The following RBM19 variants were observed in gnomAD, a reference collection of about 807,000 sequenced individuals.
The protein encoded by RBM19 is RNA binding motif protein 19, also known as probable RNA-binding protein 19.
Under a neutral mutation model 116.8 loss-of-function variants are expected in RBM19, and 94 were observed. The ratio of observed to expected loss-of-function variants is 0.80; its 90% CI spans 0.68 to 0.95. The LOEUF (loss-of-function observed/expected upper bound fraction) is 0.95, where lower values mean the gene tolerates loss of function less well. Among genes scored for constraint, RBM19 ranks in the 40% least tolerant of loss-of-function variants. The probability of loss-of-function intolerance (pLI) is 0.00; values close to 1 mark genes in which losing one functional copy is unlikely to be tolerated. For synonymous variants in RBM19, 475 were observed against 494.1 expected (o/e 0.96, Z 0.51); for missense variants, 1,161 against 1,220.7 (o/e 0.95, Z 0.73).
chr12:113,818,827 GC>G (rs1874233061), downstream of RBM19, among the ~76,000 whole-genome samples: 1 of 152,082 alleles, frequency 6.6e-6, no homozygotes, highest in Non-Finnish European at 1.5e-5. Flanking sequence ...CCTCCTCCAG[GC>G]CCCACTGTCC....
rs139525945 is a variant in RBM19 at position 113,844,818 on chromosome 12, A to G, written c.2665-30T>C. The G allele has an allele frequency of 4.1e-3, 6,550 of 1,587,956 alleles. 20 individuals carry two copies. Among genetic ancestry groups the G allele is most frequent in the South Asian group, 5.0e-3 (437 of 87,850 alleles). On this transcript the variant is annotated intron_variant, in intron 22 of 23. Coordinates refer to ENST00000261741, the MANE Select transcript of RBM19 (RefSeq NM_016196.4). ...AGAGGGACAAGAAACGAAACTGCACATCAGCTGGATCAGTGCGGCAGACAC... is the reference window on the plus strand; with the variant it reads ...AGAGGGACAAGAAACGAAACTGCACGTCAGCTGGATCAGTGCGGCAGACAC...
intron 21 of RBM19, among the ~76,000 whole-genome samples, chr12:113,868,850 T>C (rs2135760158): frequency 6.6e-6 from 1 of 152,278 alleles, no homozygotes; most frequent in African/African-American, 2.4e-5. Flanking sequence ...GCTCTGACAG[T>C]GAGGGGCTGA....
intron 14 of RBM19, among the ~76,000 whole-genome samples, chr12:113,940,374 G>A (rs1269047929): frequency 6.6e-6 from 1 of 150,676 alleles, no homozygotes; most frequent in East Asian, 1.9e-4. Flanking sequence ...TAAGGCCTGG[G>A]ACTCTGAAGC....
intron 22 of RBM19, among the ~76,000 whole-genome samples, chr12:113,853,808 C>T (rs1877662826): frequency 6.6e-6 from 1 of 152,194 alleles, no homozygotes; most frequent in South Asian, 2.1e-4. Context: ...CTAGTGGGGG[C>T]AGCTGACTGA....
intron 21 of RBM19, among the ~76,000 whole-genome samples, chr12:113,870,894 G>A (rs1434686568): frequency 2.0e-5 from 3 of 152,180 alleles, no homozygotes; most frequent in Non-Finnish European, 4.4e-5. Context: ...GAAGCACAAG[G>A]TGACACACCT....
intron 21 of RBM19, among the ~76,000 whole-genome samples, chr12:113,895,692 C>T (rs1294600090): frequency 6.6e-6 from 1 of 152,036 alleles, no homozygotes; most frequent in Non-Finnish European, 1.5e-5. Context: ...TGGCACAAGA[C>T]TTGGGTGGCA....
intron 16 of RBM19, 155 bp downstream of exon 16, chr12:113,936,852 G>T: frequency 2.1e-6 from 2 of 968,364 alleles, no homozygotes; most frequent in Non-Finnish European, 3.0e-6. Flanking sequence ...TACAGGACAT[G>T]CCCATAAAAT....
intron 21 of RBM19, among the ~76,000 whole-genome samples, chr12:113,910,331 C>T (rs116506012): frequency 0.016 from 2,430 of 152,342 alleles, 73 homozygotes; most frequent in African/African-American, 0.055. Context: ...GGCCACTACA[C>T]CCAGGCTCCA....
chr12:113,965,346 A>C (rs913222184), intron 1 of RBM19, among the ~76,000 whole-genome samples: 8 of 145,150 alleles, frequency 5.5e-5, no homozygotes, highest in Middle Eastern at 3.5e-3. Context: ...AAAGAGAGAG[A>C]AAAAAAAGAG....
At chr12:113,944,962 C>A (rs1209002514) in intron 13 of RBM19, among the ~76,000 whole-genome samples, 1 of 151,938 alleles carries the variant, frequency 6.6e-6, no homozygotes. Context: ...AGGTACAAAG[C>A]ACATATAGGA....
At chr12:113,895,786 TA>T (rs1434183332) in intron 21 of RBM19, among the ~76,000 whole-genome samples, 2 of 151,140 alleles carry the variant, frequency 1.3e-5, no homozygotes, top group East Asian at 3.9e-4. Flanking sequence ...CTACATTTTT[TA>T]AAAAAGAAAA....
chr12:113,877,113 C>T (rs1879723915), intron 21 of RBM19, among the ~76,000 whole-genome samples: 1 of 152,190 alleles, frequency 6.6e-6, no homozygotes, highest in Non-Finnish European at 1.5e-5. Context: ...CGTGGCTTGT[C>T]TCACTCTCTG....
In RBM19 at chr12:113,876,744, T is replaced by G. The variant is rs190599439; in HGVS notation, c.2559-17848A>C. The stretch of plus-strand genomic sequence containing the variant: ...AGGTTAGAGCTACAGTGAGCTGAGA[T>G]CGTGCCACTGCACTACAGCCTAGGT... On this transcript the variant is annotated intron_variant, in intron 21 of 23. Transcript: ENST00000261741. Among the ~76,000 whole-genome samples, 12 of 152,170 alleles carry G rather than the reference T, an allele frequency of 7.9e-5. No individual in the cohort carries two copies. The East Asian group carries it at 1.4e-3, about 17-fold the overall frequency.
chr12:113,856,188 C>CG (rs1424223815), intron 22 of RBM19, among the ~76,000 whole-genome samples: 1 of 152,164 alleles, frequency 6.6e-6, no homozygotes, highest in East Asian at 1.9e-4. Flanking sequence ...TCCCAGAGCC[C>CG]GGAGTAAAGG....
intron 21 of RBM19, among the ~76,000 whole-genome samples, chr12:113,883,333 T>C (rs1306324368): frequency 1.3e-5 from 2 of 152,210 alleles, no homozygotes; most frequent in African/African-American, 4.8e-5. Context: ...GAGGCTGCTG[T>C]CTAGTGCAGA....
intron 20 of RBM19, 124 bp from the exon 21 acceptor site, chr12:113,915,209 C>CGG (rs1566014291): frequency 1.3e-6 from 1 of 797,826 alleles, no homozygotes; most frequent in African/African-American, 1.7e-5. Flanking sequence ...GCGTGGGGTG[C>CGG]GGGACCAACG....
Position 113,950,096 on chromosome 12 carries a change from G to A in RBM19, c.1059C>T (p.Asn353=). ...EEEVKQALKC[N]REYMGGRYIE... ...GGGCTTCCTTACCCATGTACTCCCG[G>A]TTGCATTTCAGAGCTTGCTTCACTT... Residue 353 remains asparagine (N), a synonymous_variant, in exon 9 of 24, where the codon AAC becomes AAT. Transcript: ENST00000261741. The A allele has an allele frequency of 1.9e-6, 3 of 1,607,860 alleles. No homozygotes were observed. The highest frequency in any genetic ancestry group is 2.6e-6 in the Non-Finnish European group (3 of 1,174,402).
intron 21 of RBM19, among the ~76,000 whole-genome samples, chr12:113,866,751 G>A (rs900711152): frequency 5.9e-5 from 9 of 152,230 alleles, no homozygotes; most frequent in Non-Finnish European, 1.2e-4. Context: ...CTGCCCCACT[G>A]GAAGGGACAG....
chr12:113,942,505 A>G (rs924262660), intron 13 of RBM19, 71 bp from the exon 14 acceptor site: 2 of 1,285,584 alleles, frequency 1.6e-6, no homozygotes, highest in East Asian at 5.0e-5. Context: ...CCATCTCCCA[A>G]CAGCCTGAAG....
Sources: allele counts gnomAD v4.1 joint callset (sites outside exome capture counted in the v4.1 genomes callset), GRCh38; gene constraint gnomAD v4.1.1; transcripts MANE v1.5; gene names NCBI Gene and HGNC (gene_info 2026-07-23, HGNC 2026-07-21).